Variants in TMPRSS9 observed in about 807,000 individuals in gnomAD.
TMPRSS9 encodes the protein transmembrane serine protease 9.
A neutral mutation model predicts 111.4 loss-of-function variants in TMPRSS9; 113 were observed. The ratio of observed to expected loss-of-function variants is 1.01; its 90% CI spans 0.87 to 1.19. The LOEUF (loss-of-function observed/expected upper bound fraction) is 1.19, where lower values mean the gene tolerates loss of function less well. Ranked by LOEUF, TMPRSS9 falls within the 50% of genes most tolerant of loss-of-function variation. TMPRSS9 has a pLI of 0.00. For synonymous variants in TMPRSS9, 805 were observed against 659.1 expected (o/e 1.22, Z -3.39); for missense variants, 1,803 against 1,513.1 (o/e 1.19, Z -3.18).
chr19:2,388,990 A>G (rs1452762363), upstream of TMPRSS9, among the ~76,000 whole-genome samples: 1 of 151,462 alleles, frequency 6.6e-6, no homozygotes, highest in Non-Finnish European at 1.5e-5. Flanking sequence ...TGGGAACTTC[A>G]GACTTACTCT....
chr19:2,415,850 C>T lies in TMPRSS9; in HGVS notation c.1745+9C>T, dbSNP rs777253285. On this transcript the variant is annotated intron_variant, in intron 11 of 17. Transcript: ENST00000648592. ...GCCCACTGCTTCAACCAGTAAGGCC[C>T]GCCTCCTCCAGGAAGGCTGCCCGGC... 26 of 1,567,466 alleles carry T rather than the reference C, an allele frequency of 1.7e-5. No individual in the cohort carries two copies. Among genetic ancestry groups the T allele is most frequent in the South Asian group, 3.5e-5 (3 of 85,794 alleles).
chr19:2,361,580 A>G (rs528677679), intron 1 of TMPRSS9, among the ~76,000 whole-genome samples: 9 of 152,272 alleles, frequency 5.9e-5, no homozygotes, highest in Non-Finnish European at 1.3e-4. Flanking sequence ...TAGCCCCGGC[A>G]GGAAACCCAG....
intron 1 of TMPRSS9, among the ~76,000 whole-genome samples, chr19:2,366,985 C>T (rs1193674050): frequency 6.6e-6 from 1 of 151,994 alleles, no homozygotes; most frequent in African/African-American, 2.4e-5. Flanking sequence ...TTCCTCACCA[C>T]ATGGGAATCA....
At chr19:2,421,237 T>A (rs1462724306) in intron 13 of TMPRSS9, among the ~76,000 whole-genome samples, 1 of 151,970 alleles carries the variant, frequency 6.6e-6, no homozygotes, top group Non-Finnish European at 1.5e-5. Context: ...CAGCTAGTGG[T>A]CAGGGGCTAC....
chr19:2,398,469 T>C (rs1374627847), intron 2 of TMPRSS9, among the ~76,000 whole-genome samples: 1 of 151,006 alleles, frequency 6.6e-6, no homozygotes, highest in Admixed American at 6.6e-5. Flanking sequence ...ATACAAAAAA[T>C]TAGTTGGGCA....
intron 1 of TMPRSS9, among the ~76,000 whole-genome samples, chr19:2,371,288 C>T (rs1970288698): frequency 6.6e-6 from 1 of 152,198 alleles, no homozygotes; most frequent in Admixed American, 6.6e-5. Context: ...CTAACAAAGT[C>T]CTTGCCTAGT....
intron 13 of TMPRSS9, among the ~76,000 whole-genome samples, chr19:2,419,660 G>A (rs908951468): frequency 2.0e-5 from 3 of 151,972 alleles, no homozygotes; most frequent in African/African-American, 7.3e-5. Flanking sequence ...GGGACTACAG[G>A]CATGTGCCTC....
At chr19:2,363,780 C>CTGTGTGTGTG (rs200595061) in intron 1 of TMPRSS9, among the ~76,000 whole-genome samples, 96 of 119,194 alleles carry the variant, frequency 8.1e-4, no homozygotes, top group African/African-American at 3.6e-3. Context: ...TCCAAGAACT[C>CTGTGTGTGTG]TGTGTGTGAG....
upstream of TMPRSS9, among the ~76,000 whole-genome samples, chr19:2,385,676 AC>A (rs1448817298): frequency 6.6e-6 from 1 of 151,830 alleles, no homozygotes; most frequent in Non-Finnish European, 1.5e-5. Flanking sequence ...ACATAGTGAG[AC>A]CCCAATCTCT....
At chr19:2,393,896 T>A (rs1599288979) in intron 1 of TMPRSS9, among the ~76,000 whole-genome samples, 2 of 30,444 alleles carry the variant, frequency 6.6e-5, no homozygotes, top group African/African-American at 4.1e-4. Context: ...AGACCATGTC[T>A]CCAAAAAAAA....
At chr19:2,400,792 G>C (rs1048981152) in intron 4 of TMPRSS9, among the ~76,000 whole-genome samples, 1 of 151,028 alleles carries the variant, frequency 6.6e-6, no homozygotes, top group Non-Finnish European at 1.5e-5. Context: ...GGGCCAACAC[G>C]GTGAAACCCC....
At chr19:2,417,951 C>G in intron 12 of TMPRSS9, 51 bp from the exon 14 acceptor site, 1 of 1,607,374 alleles carries the variant, frequency 6.2e-7, no homozygotes, top group Non-Finnish European at 8.5e-7. Context: ...GGAACTGGAG[C>G]TGCTCTGATG....
chr19:2,401,083 G>C (rs551083462), intron 4 of TMPRSS9, among the ~76,000 whole-genome samples: 1 of 150,568 alleles, frequency 6.6e-6, no homozygotes, highest in East Asian at 1.9e-4. Flanking sequence ...GACCATCCTG[G>C]CTAACACGGT....
At chr19:2,401,748 C>A (rs933562357) in intron 4 of TMPRSS9, among the ~76,000 whole-genome samples, 1 of 151,624 alleles carries the variant, frequency 6.6e-6, no homozygotes, top group Non-Finnish European at 1.5e-5. Context: ...GCTGGGATTA[C>A]AGGCGCCCGG....
chr19:2,397,615 G>A (rs577401641), intron 2 of TMPRSS9, among the ~76,000 whole-genome samples: 35 of 152,108 alleles, frequency 2.3e-4, no homozygotes, highest in Admixed American at 9.8e-4. Flanking sequence ...CAGCAATCAC[G>A]TATTAAAAAC....
intron 15 of TMPRSS9, among the ~76,000 whole-genome samples, chr19:2,424,754 G>A (rs1036849195): frequency 2.6e-5 from 4 of 152,160 alleles, no homozygotes; most frequent in Non-Finnish European, 5.9e-5. Flanking sequence ...GAGGGCAGGC[G>A]GGGGGCGGGA....
intron 4 of TMPRSS9, among the ~76,000 whole-genome samples, chr19:2,399,753 T>A (rs1970790517): frequency 6.6e-6 from 1 of 152,278 alleles, no homozygotes; most frequent in South Asian, 2.1e-4. Flanking sequence ...GATCTCACTC[T>A]GTTGCCCAGT....
chr19:2,410,286 C>G, exon 9 of TMPRSS9: 1 of 1,613,984 alleles, frequency 6.2e-7, no homozygotes, highest in Non-Finnish European at 8.5e-7. Flanking sequence ...TGCAGAAAGC[C>G]ACTGTGGAGC....
chr19:2,416,707 A>C, exon 12 of TMPRSS9: 1 of 1,613,240 alleles, frequency 6.2e-7, no homozygotes, highest in Non-Finnish European at 8.5e-7. Context: ...CCTGGCCTTC[A>C]ACAAATACAT....
Sources: allele counts gnomAD v4.1 joint callset (sites outside exome capture counted in the v4.1 genomes callset), GRCh38; gene constraint gnomAD v4.1.1; transcripts MANE v1.5; gene names NCBI Gene and HGNC (gene_info 2026-07-23, HGNC 2026-07-21).